KANSL2: variants seen among roughly 807,000 people sequenced by gnomAD.
The protein encoded by KANSL2 is NSL complex protein NSL2.
A neutral mutation model predicts 55.6 loss-of-function variants in KANSL2; 34 were observed. The ratio of observed to expected loss-of-function variants is 0.61; its 90% CI spans 0.46 to 0.81. The LOEUF is 0.81. Ranked by LOEUF, KANSL2 falls within the 40% of genes least tolerant of loss-of-function variation. The pLI is 0.00. For missense variants in KANSL2, 502 were observed against 609.9 expected (o/e 0.82, Z 1.86); for synonymous variants, 209 against 214.3 (o/e 0.98, Z 0.22).
At chr12:48,677,258 G>C (rs760006873) in intron 4 of KANSL2, among the ~76,000 whole-genome samples, 8 of 152,078 alleles carry the variant, frequency 5.3e-5, no homozygotes, top group Non-Finnish European at 1.0e-4. Flanking sequence ...TTCCACATTT[G>C]TATTTCTCAT....
At chr12:48,672,623 A>T (rs1346545615) in intron 4 of KANSL2, among the ~76,000 whole-genome samples, 1 of 150,936 alleles carries the variant, frequency 6.6e-6, no homozygotes, top group African/African-American at 2.4e-5. Context: ...TAGAGATGGG[A>T]TTTCACCATG....
intron 7 of KANSL2, among the ~76,000 whole-genome samples, chr12:48,665,808 T>C (rs1260619412): frequency 1.3e-5 from 2 of 152,150 alleles, no homozygotes; most frequent in African/African-American, 2.4e-5. Context: ...GGCAAATTAA[T>C]TGAAAAGAAG....
intron 7 of KANSL2, among the ~76,000 whole-genome samples, chr12:48,663,744 T>C (rs1182773855): frequency 3.3e-5 from 5 of 152,002 alleles, no homozygotes; most frequent in Non-Finnish European, 5.9e-5. Flanking sequence ...ATGTTGTTGA[T>C]AAGGCTTCTG....
intron 4 of KANSL2, among the ~76,000 whole-genome samples, chr12:48,672,816 T>C (rs1939751636): frequency 6.6e-6 from 1 of 152,090 alleles, no homozygotes; most frequent in Non-Finnish European, 1.5e-5. Flanking sequence ...TGGAGTGCAG[T>C]GGCACAACCT....
At chr12:48,657,876 C>T (rs903390250) in intron 8 of KANSL2, among the ~76,000 whole-genome samples, 1 of 152,178 alleles carries the variant, frequency 6.6e-6, no homozygotes, top group Admixed American at 6.5e-5. Flanking sequence ...CTCGGACTCC[C>T]AAAGTGCTGG....
intron 8 of KANSL2, among the ~76,000 whole-genome samples, chr12:48,657,757 C>T (rs1158477299): frequency 6.6e-6 from 1 of 152,038 alleles, no homozygotes; most frequent in African/African-American, 2.4e-5. Context: ...GCTGGGATTA[C>T]AGGCGCGTGC....
Position 48,682,216 on chromosome 12 carries a change from C to A in KANSL2, c.-39G>T, listed in dbSNP as rs1216043040. ...GGAGCTGCGCTGCGCCGCACTCTGC[C>A]GCGCCGCTCGCCCTTCTCTAGTGGC... On this transcript the variant is annotated 5_prime_UTR_variant, in exon 1 of 10. Coordinates refer to ENST00000420613, the MANE Select transcript of KANSL2 (RefSeq NM_017822.4). 3.1e-6 allele frequency: 2 copies of A among 647,914 alleles called. No homozygotes were observed. Among genetic ancestry groups the A allele is most frequent in the Non-Finnish European group, 5.6e-6 (2 of 358,098 alleles). 40.1% of individuals were successfully genotyped at this position (647,914 alleles called of 1,614,324 possible). A position where few individuals can be genotyped will look rare whatever the true frequency, so the allele number is the denominator to read the frequency against.
chr12:48,662,732 A>G, intron 7 of KANSL2: 1 of 969,104 alleles, frequency 1.0e-6, no homozygotes, highest in Non-Finnish European at 1.4e-6. Context: ...AAGGAAAAAA[A>G]ATACTTCCCT....
At chr12:48,654,295 C>A in intron 9 of KANSL2, 120 bp from the exon 10 acceptor site, 2 of 1,054,536 alleles carry the variant, frequency 1.9e-6, no homozygotes, top group Non-Finnish European at 1.5e-6. Context: ...GAAATTAATT[C>A]TGGACAGATG....
intron 4 of KANSL2, among the ~76,000 whole-genome samples, chr12:48,675,370 C>A (rs1056736919): frequency 6.6e-6 from 1 of 152,182 alleles, no homozygotes; most frequent in East Asian, 1.9e-4. Flanking sequence ...CGTGCCACTG[C>A]GCTCCAGCCT....
At chr12:48,662,487 C>T in intron 7 of KANSL2, 2 of 1,155,726 alleles carry the variant, frequency 1.7e-6, no homozygotes, top group Non-Finnish European at 2.2e-6. Context: ...AAAAGGACTC[C>T]CCCCATCATC....
At chr12:48,660,167 T>TG (rs748474090) in intron 8 of KANSL2, among the ~76,000 whole-genome samples, 199 bp downstream of exon 8, 1 of 152,186 alleles carries the variant, frequency 6.6e-6, no homozygotes, top group Non-Finnish European at 1.5e-5. Flanking sequence ...TAAAAAGGTA[T>TG]GGGAAGAGTC....
chr12:48,676,357 C>T (rs1371598509), intron 4 of KANSL2, among the ~76,000 whole-genome samples: 1 of 152,068 alleles, frequency 6.6e-6, no homozygotes, highest in Non-Finnish European at 1.5e-5. Context: ...CCTCCCACCT[C>T]GACCTCCCAA....
At chr12:48,666,785 G>C (rs1179749342) in intron 7 of KANSL2, among the ~76,000 whole-genome samples, 1 of 152,122 alleles carries the variant, frequency 6.6e-6, no homozygotes, top group Non-Finnish European at 1.5e-5. Flanking sequence ...GCTGAGGTAG[G>C]AGAATTGCTT....
intron 7 of KANSL2, chr12:48,667,353 G>C: frequency 3.2e-6 from 1 of 311,592 alleles, no homozygotes; most frequent in Admixed American, 4.1e-5. Flanking sequence ...TAATAAGCAA[G>C]TTAAATCAGA....
intron 8 of KANSL2, chr12:48,656,648 CTA>C (rs1939389479): frequency 4.1e-6 from 2 of 484,040 alleles, no homozygotes; most frequent in African/African-American, 2.0e-5. Context: ...ACATTCTAGA[CTA>C]TGTTTCTTCC....
intron 7 of KANSL2, chr12:48,667,437 C>A: frequency 3.5e-6 from 2 of 563,798 alleles, no homozygotes; most frequent in South Asian, 1.5e-5. Flanking sequence ...AAATATTAGC[C>A]CACATCTATG....
At chr12:48,672,019 T>C (rs1939722744) in intron 4 of KANSL2, 57 bp from the exon 5 acceptor site, 4 of 1,430,770 alleles carry the variant, frequency 2.8e-6, no homozygotes, top group Non-Finnish European at 3.8e-6. Flanking sequence ...AAAACCCAAG[T>C]TTGAAAGAGT....
At chr12:48,660,167 TG>T (rs748474090) in intron 8 of KANSL2, among the ~76,000 whole-genome samples, 198 bp downstream of exon 8, 1 of 152,186 alleles carries the variant, frequency 6.6e-6, no homozygotes, top group Non-Finnish European at 1.5e-5. Flanking sequence ...TAAAAAGGTA[TG>T]GGAAGAGTCT....
Sources: gnomAD v4.1 joint callset for allele counts (sites outside exome capture counted in the v4.1 genomes callset) on GRCh38, gnomAD v4.1.1 for gene constraint, MANE v1.5 for transcripts, NCBI Gene and HGNC (gene_info 2026-07-23, HGNC 2026-07-21) for gene names.